ZNF605: variants seen among roughly 807,000 people sequenced by gnomAD.
ZNF605 encodes the protein zinc finger protein 605.
Under a neutral mutation model 7.9 loss-of-function variants are expected in ZNF605, and 9 were observed. That is an observed-to-expected ratio of 1.14 (90% CI 0.68 to 1.98). The LOEUF is 1.98. Among genes scored for constraint, ZNF605 ranks in the 30% most tolerant of loss-of-function variants. The pLI, the probability that ZNF605 is intolerant of heterozygous loss-of-function variation, is 0.00. For synonymous variants in ZNF605, 255 were observed against 260.1 expected (o/e 0.98, Z 0.19); for missense variants, 673 against 762.4 (o/e 0.88, Z 1.38).
At chr12:132,930,918 C>T (rs1478832407) in intron 4 of ZNF605, among the ~76,000 whole-genome samples, 3 of 152,288 alleles carry the variant, frequency 2.0e-5, no homozygotes, top group East Asian at 3.9e-4. Context: ...CATTATGGCT[C>T]TTCCTGTAAT....
At chr12:132,943,369 A>C (rs1952464427) in intron 3 of ZNF605, among the ~76,000 whole-genome samples, 1 of 151,802 alleles carries the variant, frequency 6.6e-6, no homozygotes, top group East Asian at 1.9e-4. Context: ...AAAAAAAAAA[A>C]AAACAAAAAA....
chr12:132,945,803 G>A lies in ZNF605; in HGVS notation c.-162-6C>T. On this transcript the variant is annotated splice_polypyrimidine_tract_variant and splice_region_variant and intron_variant, in intron 2 of 4. Coordinates refer to ENST00000360187, the MANE Select transcript of ZNF605 (RefSeq NM_183238.4). ...TTGTTCCAGAGGGCTATTGCCTGTG[G>A]ATGCAGTGGACATTTTATTTTAGAT... The A allele has an allele frequency of 1.1e-6, 1 of 897,700 alleles. No homozygotes were observed. Among genetic ancestry groups the A allele is most frequent in the Non-Finnish European group, 1.8e-6 (1 of 553,900 alleles). The allele number at this position is 897,700 out of a possible 1,614,324, so 55.6% of individuals were successfully genotyped here.
chr12:132,952,220 G>A (rs894010096), intron 1 of ZNF605, among the ~76,000 whole-genome samples: 2 of 152,026 alleles, frequency 1.3e-5, no homozygotes, highest in Non-Finnish European at 2.9e-5. Flanking sequence ...ACTTTGGGAG[G>A]CTGAGGCGGT....
Position 132,953,224 on chromosome 12 carries a change from A to T in ZNF605, c.-286+3019T>A, listed in dbSNP as rs1952591248. 2.6e-5 allele frequency among the ~76,000 whole-genome samples: 4 copies of T among 152,210 alleles called. No homozygotes were observed. The South Asian group carries it at 8.3e-4, about 32-fold the overall frequency. On this transcript the variant is annotated intron_variant, in intron 1 of 4. Transcript: ENST00000360187. ...CCACAGGACCACAATGGCTGACTTC[A>T]CAGGCCACCCAGTCTCTCTCCCCAA...
chr12:132,951,876 CACAT>C (rs1459834557), intron 1 of ZNF605, among the ~76,000 whole-genome samples: 4 of 146,428 alleles, frequency 2.7e-5, no homozygotes, highest in African/African-American at 5.5e-5. Context: ...CACTCATACA[CACAT>C]ACACACTCAT....
chr12:132,925,621 T>C lies in ZNF605; in HGVS notation c.1678A>G (p.Thr560Ala). ...TTTGCACAATCGCTGCATCCATAGG[T>C]TTTCTCTCCTGTGTGATTTCTTTGA... Reference protein sequence around the residue: ...KHQRNHTGEKTYGCSDCAKAF... With the variant: ...KHQRNHTGEKAYGCSDCAKAF... Residue 560 changes from threonine (T) to alanine (A), a missense_variant, in exon 5 of 5, where the codon ACC becomes GCC. Physicochemically the swap from Thr to Ala is moderately conservative, Grantham distance 58. Transcript: ENST00000360187. 6.2e-7 allele frequency: 1 copy of C among 1,614,062 alleles called. No homozygotes were observed. The highest frequency in any genetic ancestry group is 1.3e-5 in the African/African-American group (1 of 75,004).
At chr12:132,938,231 C>T (rs1003822844) in intron 3 of ZNF605, among the ~76,000 whole-genome samples, 9 of 152,148 alleles carry the variant, frequency 5.9e-5, no homozygotes, top group Non-Finnish European at 1.0e-4. Flanking sequence ...CCACCTGCCT[C>T]GGCCTCCCAA....
In ZNF605 at chr12:132,926,215, C is replaced by T. The variant is rs1952245599; in HGVS notation, c.1084G>A (p.Glu362Lys). Residue 362 changes from glutamate (E) to lysine (K), a missense_variant, in exon 5 of 5, where the codon GAG (glutamate) becomes AAG (lysine). Transcript: ENST00000360187. ...LIRHQRIHTG[E>K]KPYECNECGE... is the part of the protein sequence containing the mutation. ...CATTCGTTGCATTCGTAGGGCTTCT[C>T]TCCTGTATGAATCCTCTGATGCCTA... 6.2e-7 allele frequency: 1 copy of T among 1,614,086 alleles called. No individual in the cohort carries two copies. The highest frequency in any genetic ancestry group is 1.3e-5 in the African/African-American group (1 of 74,934).
intron 3 of ZNF605, among the ~76,000 whole-genome samples, chr12:132,937,585 T>C (rs1467960870): frequency 3.3e-5 from 5 of 152,014 alleles, no homozygotes; most frequent in African/African-American, 1.2e-4. Context: ...CTGTCATTCA[T>C]TGTGGTGGGA....
At chr12:132,939,662 C>G (rs928322930) in intron 3 of ZNF605, among the ~76,000 whole-genome samples, 3 of 152,160 alleles carry the variant, frequency 2.0e-5, no homozygotes, top group Admixed American at 6.5e-5. Flanking sequence ...GTGGGTGGGG[C>G]CAGATAGGAG....
At chr12:132,932,629 A>T (rs1952319579) in intron 4 of ZNF605, 1 of 866,142 alleles carries the variant, frequency 1.2e-6, no homozygotes, top group Non-Finnish European at 1.7e-6. Context: ...CAGTTTTATA[A>T]ACAACACTTT....
rs964772057 is a variant in ZNF605, at chr12:132,939,080, A to G, written c.16-5925T>C. Reference sequence around the variant, plus strand: ...TGCGGCCCCAGCCTCCCTGACGAGCACCACCCCCTGCTCCACGGCGCCCAG... The same window carrying G: ...TGCGGCCCCAGCCTCCCTGACGAGCGCCACCCCCTGCTCCACGGCGCCCAG... On this transcript the variant is annotated intron_variant, in intron 3 of 4. Coordinates refer to ENST00000360187, the MANE Select transcript of ZNF605 (RefSeq NM_183238.4). Among the ~76,000 whole-genome samples the G allele has an allele frequency of 4.1e-3, 623 of 151,316 alleles. 2 individuals carry two copies. Among genetic ancestry groups the G allele is most frequent in the Non-Finnish European group, 6.7e-3 (454 of 67,388 alleles).
intron 3 of ZNF605, among the ~76,000 whole-genome samples, chr12:132,937,665 C>A (rs1382302147): frequency 6.6e-6 from 1 of 152,196 alleles, no homozygotes; most frequent in Non-Finnish European, 1.5e-5. Flanking sequence ...AGACTTACCA[C>A]ACAACGCAGC....
chr12:132,938,899 C>T (rs1593591085), intron 3 of ZNF605, among the ~76,000 whole-genome samples: 1 of 152,140 alleles, frequency 6.6e-6, no homozygotes, highest in Non-Finnish European at 1.5e-5. Flanking sequence ...GCACCCGGGC[C>T]AGTGGCTGCG....
chr12:132,943,269 G>A (rs1323574365), intron 3 of ZNF605, among the ~76,000 whole-genome samples: 1 of 151,648 alleles, frequency 6.6e-6, no homozygotes, highest in Non-Finnish European at 1.5e-5. Context: ...TGAGGCAGGA[G>A]AATGGTGTGA....
At chr12:132,953,555 T>A (rs1361330909) in intron 1 of ZNF605, among the ~76,000 whole-genome samples, 1 of 152,042 alleles carries the variant, frequency 6.6e-6, no homozygotes, top group African/African-American at 2.4e-5. Flanking sequence ...GCCTCCTGAG[T>A]AGGTGGGATT....
intron 1 of ZNF605, among the ~76,000 whole-genome samples, chr12:132,951,818 A>G (rs1307083151): frequency 5.3e-5 from 8 of 151,994 alleles, no homozygotes; most frequent in Non-Finnish European, 8.8e-5. Flanking sequence ...ACACACATAC[A>G]CATACACCAC....
At chr12:132,954,576 C>T (rs1009384381) in intron 1 of ZNF605, among the ~76,000 whole-genome samples, 31 of 147,418 alleles carry the variant, frequency 2.1e-4, no homozygotes, top group African/African-American at 7.7e-4. Flanking sequence ...AACTGACATT[C>T]TGAGGCTTGC....
intron 4 of ZNF605, 156 bp downstream of exon 4, chr12:132,932,879 T>C: frequency 1.5e-6 from 2 of 1,372,102 alleles, no homozygotes; most frequent in Non-Finnish European, 9.7e-7. Context: ...GAATGTTTTA[T>C]TATAAAGGCT....
Sources: gnomAD v4.1 joint callset for allele counts (sites outside exome capture counted in the v4.1 genomes callset) on GRCh38, gnomAD v4.1.1 for gene constraint, MANE v1.5 for transcripts, NCBI Gene and HGNC (gene_info 2026-07-23, HGNC 2026-07-21) for gene names.